The following ASIP variants were observed in gnomAD, a reference collection of about 807,000 sequenced individuals.
The protein encoded by ASIP is agouti-signaling protein.
Under a neutral mutation model 10.3 loss-of-function variants are expected in ASIP, and 11 were observed. The ratio of observed to expected loss-of-function variants is 1.07; its 90% CI spans 0.68 to 1.78. ASIP has a LOEUF of 1.78. Among genes scored for constraint, ASIP ranks in the 40% most tolerant of loss-of-function variants. The probability of loss-of-function intolerance (pLI) is 0.00; values close to 1 mark genes in which losing one functional copy is unlikely to be tolerated. For synonymous variants in ASIP, 70 were observed against 70.8 expected (o/e 0.99, Z 0.06); for missense variants, 180 against 169.2 (o/e 1.06, Z -0.35).
At position 34,269,187 on chromosome 20, in the gene ASIP, C is replaced by G; in HGVS notation, c.*20C>G. 2 of 1,484,186 alleles carry G rather than the reference C, an allele frequency of 1.3e-6. No homozygotes were observed. Among genetic ancestry groups the G allele is most frequent in the Non-Finnish European group, 1.8e-6 (2 of 1,116,926 alleles). 91.9% of individuals were successfully genotyped at this position (1,484,186 alleles called of 1,614,324 possible). On this transcript the variant is annotated 3_prime_UTR_variant, in exon 4 of 4. Transcript: ENST00000374954. ...TGCTGAGCGCCCCCACTCCCGGCCG[C>G]GAGCAGGCAGGGCTTCGGGGACGCG... is the stretch of plus-strand genomic sequence containing the variant.
chr20:34,225,194 A>C (rs2035084382), intron 1 of ASIP, among the ~76,000 whole-genome samples: 1 of 150,784 alleles, frequency 6.6e-6, no homozygotes, highest in Non-Finnish European at 1.5e-5. Flanking sequence ...GGTGCGTGCC[A>C]CCACCCCCGG....
chr20:34,234,157 T>G (rs2035147363), intron 1 of ASIP, among the ~76,000 whole-genome samples: 1 of 152,202 alleles, frequency 6.6e-6, no homozygotes, highest in Non-Finnish European at 1.5e-5. Flanking sequence ...TGATTCTAGT[T>G]GGTCTCATCA....
At position 34,215,644 on chromosome 20, in the gene ASIP, G is replaced by A. The variant is rs1217489245; in HGVS notation, c.-11+20884G>A. The A allele has an allele frequency of 3.4e-6, 5 of 1,468,732 alleles. No homozygotes were observed. In the African/African-American group the frequency reaches 4.2e-5, roughly 12 times the overall value. 91.0% of individuals were successfully genotyped at this position (1,468,732 alleles called of 1,614,324 possible). A position where few individuals can be genotyped will look rare whatever the true frequency, so the allele number is the denominator to read the frequency against. ...GCATCTGAGCTTGCAGCCATGATATGAGCGTCTCCCTAATTAGTTGTTGTT... is the reference window on the plus strand; with the variant it reads ...GCATCTGAGCTTGCAGCCATGATATAAGCGTCTCCCTAATTAGTTGTTGTT... On this transcript the variant is annotated intron_variant, in intron 1 of 3. Transcript: ENST00000568305.
chr20:34,189,566 A>G, the ASIP span, among the ~76,000 whole-genome samples: 5 of 152,104 alleles, frequency 3.3e-5, no homozygotes, highest in African/African-American at 1.2e-4. Context: ...TATTAGGCAA[A>G]CCCTGGAGAA....
intron 1 of ASIP, among the ~76,000 whole-genome samples, chr20:34,225,878 T>G (rs2035089215): frequency 6.6e-6 from 1 of 152,028 alleles, no homozygotes; most frequent in Non-Finnish European, 1.5e-5. Flanking sequence ...ATGTAATAAC[T>G]AGATGTGCAC....
At chr20:34,223,528 G>C (rs1269956600) in intron 1 of ASIP, among the ~76,000 whole-genome samples, 1 of 120,770 alleles carries the variant, frequency 8.3e-6, no homozygotes, top group Non-Finnish European at 1.5e-5. Flanking sequence ...GGCCAGCCGT[G>C]CCATCCGGGA....
chr20:34,265,968 G>T (rs570642645), intron 3 of ASIP, among the ~76,000 whole-genome samples: 13 of 151,968 alleles, frequency 8.6e-5, no homozygotes, highest in Admixed American at 2.6e-4. Flanking sequence ...AAAAGCGGAG[G>T]GGGGGAAGTT....
chr20:34,240,927 G>T (rs77601712), upstream of ASIP, among the ~76,000 whole-genome samples: 1 of 152,240 alleles, frequency 6.6e-6, no homozygotes, highest in Non-Finnish European at 1.5e-5. Flanking sequence ...GAGTATGAAG[G>T]CATGACGTTT....
chr20:34,219,253 G>A (rs1339199387), intron 1 of ASIP, among the ~76,000 whole-genome samples: 1 of 152,206 alleles, frequency 6.6e-6, no homozygotes, highest in East Asian at 1.9e-4. Context: ...CTTGAGGAAG[G>A]AGAGAATCAA....
At chr20:34,215,393 T>A (rs1381940174) in intron 1 of ASIP, 4 of 1,564,658 alleles carry the variant, frequency 2.6e-6, no homozygotes, top group Non-Finnish European at 3.5e-6. Context: ...AGAGTATTCC[T>A]GTGAGCCTCC....
chr20:34,235,909 A>AGCGGGAG lies in ASIP; in HGVS notation c.-10-24455_-10-24454insCGGGAGG, dbSNP rs1568756618. On this transcript the variant is annotated intron_variant, in intron 1 of 3. Transcript: ENST00000568305. Reference sequence around the variant, plus strand: ...AGGAAGGAAGGAAGGAAAGGAAGGAAGGAAGGAAGGAAGGAAGGAAGCGGG... The same window carrying AGCGGGAG: ...AGGAAGGAAGGAAGGAAAGGAAGGAAGCGGGAGGGAAGGAAGGAAGGAAGGAAGCGGG... Among the ~76,000 whole-genome samples, 23 of 123,696 alleles carry AGCGGGAG rather than the reference A, an allele frequency of 1.9e-4. 2 individuals carry two copies. The highest frequency in any genetic ancestry group is 8.4e-4 in the African/African-American group (22 of 26,118). 81.1% of individuals were successfully genotyped at this position (123,696 alleles called of 152,430 possible).
chr20:34,260,583 G>A (rs1431580638), intron 2 of ASIP, 49 bp downstream of exon 2: 4 of 1,534,612 alleles, frequency 2.6e-6, no homozygotes, highest in South Asian at 1.2e-5. Context: ...GGCTGCAGGA[G>A]ATCAAGCATG....
chr20:34,210,211 C>T (rs1303195085), intron 1 of ASIP, among the ~76,000 whole-genome samples: 1 of 152,224 alleles, frequency 6.6e-6, no homozygotes, highest in Non-Finnish European at 1.5e-5. Flanking sequence ...CTGAAACGTC[C>T]CTTGCTCACC....
At chr20:34,208,760 C>T (rs2122546436) in intron 1 of ASIP, among the ~76,000 whole-genome samples, 1 of 152,282 alleles carries the variant, frequency 6.6e-6, no homozygotes, top group East Asian at 1.9e-4. Flanking sequence ...CATGAGATGG[C>T]TTTCCATTTT....
At chr20:34,192,190 C>T (rs894779441), upstream of ASIP, among the ~76,000 whole-genome samples, 4 of 152,216 alleles carry the variant, frequency 2.6e-5, no homozygotes, top group Admixed American at 2.0e-4. Context: ...GCATGAGCCA[C>T]CAAGCCCAGG....
chr20:34,206,219 ACTC>A (rs1376069670), intron 1 of ASIP, among the ~76,000 whole-genome samples: 2 of 150,992 alleles, frequency 1.3e-5, no homozygotes, highest in Non-Finnish European at 3.0e-5. Context: ...CTGGTCTTGA[ACTC>A]CTGGCCTCAA....
intron 1 of ASIP, among the ~76,000 whole-genome samples, chr20:34,236,277 C>T (rs1426629756): frequency 1.3e-5 from 2 of 152,204 alleles, no homozygotes; most frequent in African/African-American, 2.4e-5. Context: ...CAGTGGCTCA[C>T]GCCTATAATC....
upstream of ASIP, chr20:34,241,410 T>C (rs889489687): frequency 3.1e-5 from 30 of 975,342 alleles, no homozygotes; most frequent in African/African-American, 4.7e-4. Flanking sequence ...TTTGAAGTTA[T>C]AGATGAGCAA....
chr20:34,219,699 T>C (rs919200720), intron 1 of ASIP, among the ~76,000 whole-genome samples: 5 of 152,212 alleles, frequency 3.3e-5, no homozygotes, highest in Non-Finnish European at 5.9e-5. Context: ...AGGTTGCTTG[T>C]GGGTGGTGAG....
Sources: allele counts gnomAD v4.1 joint callset (sites outside exome capture counted in the v4.1 genomes callset), GRCh38; gene constraint gnomAD v4.1.1; transcripts MANE v1.5; gene names NCBI Gene and HGNC (gene_info 2026-07-23, HGNC 2026-07-21).